ATP13A4: variants seen among roughly 807,000 people sequenced by gnomAD.
ATP13A4 encodes probable cation-transporting ATPase 13A4.
ATP13A4 carries 114 observed loss-of-function variants against 142.5 expected under a neutral mutation model. That is an observed-to-expected ratio of 0.80 (90% confidence interval 0.69 to 0.93). ATP13A4 has a LOEUF of 0.93. Ranked by LOEUF, ATP13A4 falls within the 40% of genes least tolerant of loss-of-function variation. The pLI is 0.00. For missense variants in ATP13A4, 1,392 were observed against 1,454.0 expected, an observed-to-expected ratio of 0.96 and a Z score of 0.69; for synonymous variants, 488 against 514.8, an observed-to-expected ratio of 0.95 and a Z score of 0.70.
At chr3:193,491,122 A>G (rs189351418) in intron 6 of ATP13A4, among the ~76,000 whole-genome samples, 54 of 152,358 alleles carry the variant, frequency 3.5e-4, no homozygotes, top group Admixed American at 3.2e-3. Flanking sequence ...AATGAGTTTC[A>G]CACCCTATAT....
chr3:193,525,373 C>T (rs1236115650), intron 1 of ATP13A4, among the ~76,000 whole-genome samples: 1 of 152,202 alleles, frequency 6.6e-6, no homozygotes, highest in Non-Finnish European at 1.5e-5. Flanking sequence ...AATCACACTT[C>T]CACTCTTTGA....
At chr3:193,403,947 C>T in intron 29 of ATP13A4, 1 of 985,324 alleles carries the variant, frequency 1.0e-6, no homozygotes, top group Non-Finnish European at 1.2e-6. Flanking sequence ...AAAATCTACC[C>T]ATTTTTGCCA....
intron 1 of ATP13A4, among the ~76,000 whole-genome samples, chr3:193,537,504 A>G (rs923629013): frequency 1.3e-5 from 2 of 152,238 alleles, no homozygotes; most frequent in African/African-American, 2.4e-5. Flanking sequence ...CTCAGGACGT[A>G]TGGCTAGGCA....
chr3:193,481,922 C>A (rs1015848643), intron 8 of ATP13A4, among the ~76,000 whole-genome samples: 17 of 151,848 alleles, frequency 1.1e-4, no homozygotes, highest in Admixed American at 4.6e-4. Flanking sequence ...CTAAAGAAAC[C>A]CCAGCATTTT....
At chr3:193,575,249 T>TA (rs891100806) in intron 2 of ATP13A4, among the ~76,000 whole-genome samples, 22 of 152,192 alleles carry the variant, frequency 1.4e-4, no homozygotes, top group Admixed American at 3.9e-4. Context: ...TGTGGCTATA[T>TA]AAGAGGAGCT....
chr3:193,508,447 A>C (rs1489973690), intron 2 of ATP13A4, among the ~76,000 whole-genome samples: 1 of 152,208 alleles, frequency 6.6e-6, no homozygotes, highest in East Asian at 1.9e-4. Context: ...TCTTCCGGCT[A>C]TGGGACCCTG....
intron 1 of ATP13A4, among the ~76,000 whole-genome samples, chr3:193,584,608 T>A (rs1280541666): frequency 8.0e-6 from 1 of 124,564 alleles, no homozygotes. Flanking sequence ...CATTTCACTT[T>A]TCTTCTATTT....
intron 1 of ATP13A4, among the ~76,000 whole-genome samples, chr3:193,531,336 AAGGG>A (rs1722323257): frequency 2.9e-5 from 2 of 69,560 alleles, no homozygotes; most frequent in South Asian, 5.9e-4. Context: ...GGAAGGAAGG[AAGGG>A]AGGAAGAGAG....
At chr3:193,483,525 C>T (rs184955902) in intron 8 of ATP13A4, among the ~76,000 whole-genome samples, 2 of 152,092 alleles carry the variant, frequency 1.3e-5, no homozygotes, top group African/African-American at 4.8e-5. Context: ...AGTACAGTGG[C>T]GCGATCTCGG....
chr3:193,462,836 A>G lies in ATP13A4; in HGVS notation c.1462-13T>C. On this transcript the variant is annotated splice_polypyrimidine_tract_variant and intron_variant, in intron 12 of 29. Coordinates refer to ENST00000342695, the MANE Select transcript of ATP13A4 (RefSeq NM_032279.4). Reference sequence around the variant, plus strand: ...TTAAGGTGCCTGTCTAAACAGAAACAAATGCTCCATTTACTCTGAAGATCC... The same window carrying G: ...TTAAGGTGCCTGTCTAAACAGAAACGAATGCTCCATTTACTCTGAAGATCC... 1 of 1,613,280 alleles carries G rather than the reference A, an allele frequency of 6.2e-7. No homozygotes were observed. Among genetic ancestry groups the G allele is most frequent in the Non-Finnish European group, 8.5e-7 (1 of 1,179,294 alleles).
At chr3:193,554,917 G>T, upstream of ATP13A4, 3 of 1,607,022 alleles carry the variant, frequency 1.9e-6, no homozygotes, top group Non-Finnish European at 2.5e-6. Flanking sequence ...TGATCCTCCA[G>T]GTTAAAACTC....
rs141685820 is a variant in ATP13A4 at position 193,550,090 on chromosome 3, A to G, written c.60+4650T>C. On this transcript the variant is annotated intron_variant, in intron 1 of 29. Transcript: ENST00000342695. ...GTGGAAGTCCCGTTGTAGTATCCAC[A>G]GATTTCTGTGGCATAAATAGCACCA... 3.2e-4 allele frequency among the ~76,000 whole-genome samples: 49 copies of G among 152,310 alleles called. No individual in the cohort carries two copies. The East Asian group carries it at 8.9e-3, about 28-fold the overall frequency.
chr3:193,454,282 A>G (rs1009528643), intron 16 of ATP13A4, 70 bp from the exon 17 acceptor site: 6 of 1,174,444 alleles, frequency 5.1e-6, no homozygotes, highest in Non-Finnish European at 7.6e-6. Flanking sequence ...GAAATTCTTT[A>G]CAAACATCCA....
intron 25 of ATP13A4, among the ~76,000 whole-genome samples, chr3:193,422,087 TAA>T (rs920769181): frequency 2.7e-5 from 4 of 149,328 alleles, no homozygotes; most frequent in African/African-American, 9.8e-5. Flanking sequence ...AAGCTGAAAA[TAA>T]AGAGATAGAA....
intron 3 of ATP13A4, among the ~76,000 whole-genome samples, chr3:193,500,928 G>A (rs1720507139): frequency 6.6e-6 from 1 of 152,192 alleles, no homozygotes; most frequent in South Asian, 2.1e-4. Flanking sequence ...ACAGCCCTGA[G>A]AAAGGCAAAG....
At chr3:193,514,646 T>C (rs1276215815) in intron 2 of ATP13A4, 52 bp downstream of exon 2, 42 of 1,610,128 alleles carry the variant, frequency 2.6e-5, no homozygotes, top group Non-Finnish European at 2.5e-5. Context: ...CCGTAACACA[T>C]TGTCCAGAAA....
In ATP13A4 at chr3:193,414,567, CT is replaced by C. The variant is rs1332825839; in HGVS notation, c.3014+11del. 3.7e-6 allele frequency: 6 copies of C among 1,612,918 alleles called. No individual in the cohort carries two copies. In the African/African-American group the frequency reaches 6.7e-5, roughly 18 times the overall value. Reference sequence around the variant, plus strand: ...AGAATGTGAGAAGCAGAAGCTGAGACTATACTCATACCTGTGTATCTCCACG... The same window carrying C: ...AGAATGTGAGAAGCAGAAGCTGAGACATACTCATACCTGTGTATCTCCACG... On this transcript the variant is annotated intron_variant, in intron 26 of 29. Coordinates refer to ENST00000342695, the MANE Select transcript of ATP13A4 (RefSeq NM_032279.4).
At chr3:193,446,556 C>G (rs904301197) in intron 18 of ATP13A4, among the ~76,000 whole-genome samples, 1 of 152,096 alleles carries the variant, frequency 6.6e-6, no homozygotes, top group Admixed American at 6.5e-5. Flanking sequence ...CAAGGGGTTG[C>G]GTATTTGGTG....
intron 3 of ATP13A4, among the ~76,000 whole-genome samples, chr3:193,500,740 G>C (rs1055175471): frequency 6.6e-5 from 10 of 152,138 alleles, no homozygotes; most frequent in Non-Finnish European, 1.3e-4. Flanking sequence ...GGTGGCCTGG[G>C]GATTGGGGAC....
Sources: allele counts gnomAD v4.1 joint callset (sites outside exome capture counted in the v4.1 genomes callset), GRCh38; gene constraint gnomAD v4.1.1; transcripts MANE v1.5; gene names NCBI Gene and HGNC (gene_info 2026-07-23, HGNC 2026-07-21).